PCDHGA9: variants seen among roughly 807,000 people sequenced by gnomAD.
PCDHGA9 encodes the protein protocadherin gamma-A9.
In PCDHGA9, 37 loss-of-function variants were observed where a neutral mutation model predicts 62.5. That is an observed-to-expected ratio of 0.59 (90% CI 0.46 to 0.78). The LOEUF is 0.78. Among genes scored for constraint, PCDHGA9 ranks in the 30% least tolerant of loss-of-function variants. The pLI is 0.00. For missense variants in PCDHGA9, 1,138 were observed against 1,166.2 expected, an observed-to-expected ratio of 0.98 and a Z score of 0.35; for synonymous variants, 459 against 484.6, an observed-to-expected ratio of 0.95 and a Z score of 0.69.
At chr5:141,417,994 G>T (rs369226139) in intron 1 of PCDHGA9, 231 of 1,613,766 alleles carry the variant, frequency 1.4e-4, no homozygotes, top group Non-Finnish European at 1.8e-4. Flanking sequence ...CCAAGGGCTC[G>T]GTGGTGGGGA....
intron 1 of PCDHGA9, chr5:141,418,954 T>G (rs1490406390): frequency 6.2e-7 from 1 of 1,613,914 alleles, no homozygotes; most frequent in East Asian, 2.2e-5. Flanking sequence ...CAGGAGTGGT[T>G]GTTGCCCTCT....
chr5:141,498,919 CG>C (rs2099786825), intron 2 of PCDHGA9, among the ~76,000 whole-genome samples: 1 of 122,240 alleles, frequency 8.2e-6, no homozygotes, highest in African/African-American at 3.1e-5. Context: ...GGTGACAGAG[CG>C]AGACTCCATC....
chr5:141,489,335 G>T lies in PCDHGA9; in HGVS notation c.2425-5472G>T. On this transcript the variant is annotated intron_variant, in intron 1 of 3. Transcript: ENST00000573521. This position sits in a 1 kb window ranked among gnomAD's most constrained non-coding sequence, Gnocchi z 4.5. ...TGGGGCTGGGTGTCTGGGCAGCTTC[G>T]TTACTCAGTGGTGGAGGAGTCTGAG... 1.2e-6 allele frequency: 2 copies of T among 1,607,364 alleles called. No individual in the cohort carries two copies. The highest frequency in any genetic ancestry group is 1.7e-6 in the Non-Finnish European group (2 of 1,175,842).
At chr5:141,465,094 GT>G (rs138941665) in intron 1 of PCDHGA9, among the ~76,000 whole-genome samples, 203 of 148,178 alleles carry the variant, frequency 1.4e-3, no homozygotes, top group Admixed American at 7.3e-3. Context: ...TTTTCTAGTA[GT>G]TTTTTTTTTA....
rs186490614 is a variant in PCDHGA9 at position 141,415,986 on chromosome 5, T to A, written c.2424+10610T>A. 2.6e-4 allele frequency: 85 copies of A among 328,664 alleles called. 1 individual carries two copies. The highest frequency in any genetic ancestry group is 1.7e-3 in the African/African-American group (80 of 46,398). 20.4% of individuals were successfully genotyped at this position (328,664 alleles called of 1,614,324 possible). On this transcript the variant is annotated intron_variant, in intron 1 of 3. Transcript: ENST00000573521. ...CCAGCCCCTTAAGCAACCCTCTTGT[T>A]CTGAAGGCAGGTCTGGTAAGAATAG...
At chr5:141,418,755 G>A (rs1489556538) in intron 1 of PCDHGA9, 8 of 1,613,898 alleles carry the variant, frequency 5.0e-6, no homozygotes, top group South Asian at 1.1e-5. Context: ...TACACTACAG[G>A]AAACATTCTA....
rs768079276 is a variant in PCDHGA9, at chr5:141,490,997, G to A, written c.2425-3810G>A. On this transcript the variant is annotated intron_variant, in intron 1 of 3. Transcript: ENST00000573521. The surrounding 1 kb of genome is among the most constrained non-coding windows in gnomAD (Gnocchi z 5.4). ...CGTCTCCCTCGCTCTGCTCCTCCTG[G>A]CTCCTTGGTCACCAAGGTGACAGCC... 1.2e-6 allele frequency: 2 copies of A among 1,614,032 alleles called. No individual in the cohort carries two copies. Among genetic ancestry groups the A allele is most frequent in the Admixed American group, 1.7e-5 (1 of 60,030 alleles).
chr5:141,468,131 C>G (rs1006565854), intron 1 of PCDHGA9, among the ~76,000 whole-genome samples: 1 of 151,766 alleles, frequency 6.6e-6, no homozygotes, highest in African/African-American at 2.4e-5. Flanking sequence ...TTGAGACCAG[C>G]CTGGCCAACA....
chr5:141,423,802 C>A, intron 1 of PCDHGA9: 3 of 1,254,704 alleles, frequency 2.4e-6, no homozygotes, highest in South Asian at 2.9e-5. Context: ...TAGAGCAATA[C>A]ATGTGAGTTT....
chr5:141,407,938 GC>G, intron 1 of PCDHGA9: 1 of 510,154 alleles, frequency 2.0e-6, no homozygotes, highest in Non-Finnish European at 3.3e-6. Context: ...GCCTCTGGGC[GC>G]CGCTGTCGGC....
At chr5:141,474,998 T>C (rs1029967243) in intron 1 of PCDHGA9, among the ~76,000 whole-genome samples, 1 of 152,260 alleles carries the variant, frequency 6.6e-6, no homozygotes, top group Non-Finnish European at 1.5e-5. Context: ...CAATTCTAAA[T>C]GCAGAAAAGT....
In PCDHGA9 at chr5:141,490,949, A is replaced by G. The variant is rs2074912; in HGVS notation, c.2425-3858A>G. On this transcript the variant is annotated intron_variant, in intron 1 of 3. Coordinates refer to ENST00000573521, the MANE Select transcript of PCDHGA9 (RefSeq NM_018921.3). The surrounding 1 kb of genome is among the most constrained non-coding windows in gnomAD (Gnocchi z 5.4). ...CCAGCTGTGCTGCACCCACGGCCAG[A>G]CTGGGAACACTCAGCCCCCCAGCGT... 0.21 allele frequency: 331,850 copies of G among 1,613,352 alleles called. 36,311 individuals carry two copies. The highest frequency in any genetic ancestry group is 0.37 in the Admixed American group (22,349 of 59,972).
At chr5:141,418,031 G>A (rs760396058) in intron 1 of PCDHGA9, 1 of 1,614,022 alleles carries the variant, frequency 6.2e-7, no homozygotes, top group Non-Finnish European at 8.5e-7. Context: ...AGGGCTTAGT[G>A]TCCTGGATGT....
At chr5:141,499,127 A>G (rs1198571084) in intron 2 of PCDHGA9, among the ~76,000 whole-genome samples, 1 of 152,134 alleles carries the variant, frequency 6.6e-6, no homozygotes, top group Non-Finnish European at 1.5e-5. Flanking sequence ...TTCTCAGGTC[A>G]TCCTTTGGGT....
intron 1 of PCDHGA9, chr5:141,410,354 T>C (rs2095384532): frequency 3.7e-6 from 6 of 1,614,048 alleles, no homozygotes; most frequent in Non-Finnish European, 5.1e-6. Context: ...CCTGCGACGC[T>C]CTCTCAGCCC....
intron 1 of PCDHGA9, among the ~76,000 whole-genome samples, chr5:141,460,976 T>C (rs1444476508): frequency 7.6e-6 from 1 of 131,636 alleles, no homozygotes; most frequent in Non-Finnish European, 1.6e-5. Flanking sequence ...TGTGTGTGTG[T>C]GTGTGTGTAT....
chr5:141,477,639 G>T lies in PCDHGA9; in HGVS notation c.2425-17168G>T, dbSNP rs2099414883. ...GGAGCTGAAACCGGGCTAGTGGGTCGCTATTTCACAATAAATCGTGACAAT... is the reference window on the plus strand; with the variant it reads ...GGAGCTGAAACCGGGCTAGTGGGTCTCTATTTCACAATAAATCGTGACAAT... On this transcript the variant is annotated intron_variant, in intron 1 of 3. Transcript: ENST00000573521. The surrounding 1 kb of genome is among the most constrained non-coding windows in gnomAD (Gnocchi z 4.9). 3.1e-6 allele frequency: 5 copies of T among 1,614,004 alleles called. No homozygotes were observed. Among genetic ancestry groups the T allele is most frequent in the Non-Finnish European group, 4.2e-6 (5 of 1,180,034 alleles).
At chr5:141,488,273 C>A (rs1411817846) in intron 1 of PCDHGA9, among the ~76,000 whole-genome samples, 6 of 152,256 alleles carry the variant, frequency 3.9e-5, no homozygotes, top group East Asian at 1.9e-4. Flanking sequence ...TTGGTCATCA[C>A]CTTTGGAAAA....
At position 141,450,045 on chromosome 5, in the gene PCDHGA9, C is replaced by T. The variant is rs369046547; in HGVS notation, c.2424+44669C>T. On this transcript the variant is annotated intron_variant, in intron 1 of 3. Transcript: ENST00000573521. Reference sequence around the variant, plus strand: ...TTTTTGAGACAGGGTCTCACTCTTTCGCCCAGGCTGGAATGCAGTGGTATG... The same window carrying T: ...TTTTTGAGACAGGGTCTCACTCTTTTGCCCAGGCTGGAATGCAGTGGTATG... 4.6e-5 allele frequency among the ~76,000 whole-genome samples: 6 copies of T among 129,508 alleles called. No individual in the cohort carries two copies. In the South Asian group the frequency reaches 9.6e-4, roughly 21 times the overall value. 85.0% of individuals were successfully genotyped at this position (129,508 alleles called of 152,430 possible).
Sources: allele counts gnomAD v4.1 joint callset (sites outside exome capture counted in the v4.1 genomes callset), GRCh38; gene constraint gnomAD v4.1.1; non-coding constraint Gnocchi (gnomAD v3.1); transcripts MANE v1.5; gene names NCBI Gene and HGNC (gene_info 2026-07-23, HGNC 2026-07-21).